Variants in PPP6R1 observed in about 807,000 individuals in gnomAD.
PPP6R1 encodes serine/threonine-protein phosphatase 6 regulatory subunit 1.
PPP6R1 carries 39 observed loss-of-function variants against 104.6 expected under a neutral mutation model. The observed-to-expected ratio is 0.37, with a 90% CI of 0.29 to 0.49. The LOEUF (loss-of-function observed/expected upper bound fraction) is 0.49, where lower values mean the gene tolerates loss of function less well. PPP6R1 is among the 20% of genes least tolerant of loss of function. The pLI, the probability that PPP6R1 is intolerant of heterozygous loss-of-function variation, is 0.98. For missense variants in PPP6R1, 1,181 were observed against 1,155.8 expected (o/e 1.02, Z -0.32); for synonymous variants, 549 against 479.0 (o/e 1.15, Z -1.91).
intron 5 of PPP6R1, among the ~76,000 whole-genome samples, chr19:55,243,404 C>CAAAAAAAAAAAAAAAAAAAAAAAAAAA (rs58375899): frequency 4.1e-5 from 2 of 49,134 alleles, no homozygotes; most frequent in African/African-American, 1.4e-4. Context: ...GACTCCATCT[C>CAAAAAAAAAAAAAAAAAAAAAAAAAAA]AAAAAAAAAA....
intron 5 of PPP6R1, among the ~76,000 whole-genome samples, chr19:55,243,830 T>C (rs1349685922): frequency 6.6e-6 from 1 of 152,178 alleles, no homozygotes; most frequent in East Asian, 1.9e-4. Flanking sequence ...TTTTTCAATT[T>C]TTTGTAGCGA....
chr19:55,245,770 G>T lies in PPP6R1; in HGVS notation c.228-92C>A. On this transcript the variant is annotated intron_variant, in intron 2 of 23. Transcript: ENST00000412770. This position sits in a 1 kb window ranked among gnomAD's most constrained non-coding sequence, Gnocchi z 6.4. ...CACCCTCTTCTCTGCACCGGGCACT[G>T]GGTTTCTGGGAACTGCAGAGACCCC... is the stretch of plus-strand genomic sequence containing the variant. The T allele has an allele frequency of 9.2e-7, 1 of 1,090,736 alleles. No homozygotes were observed. Among genetic ancestry groups the T allele is most frequent in the Non-Finnish European group, 1.3e-6 (1 of 759,738 alleles). 67.6% of individuals were successfully genotyped at this position (1,090,736 alleles called of 1,614,324 possible).
chr19:55,232,011 A>G, intron 18 of PPP6R1, 29 bp from the exon 19 acceptor site: 3 of 1,608,580 alleles, frequency 1.9e-6, no homozygotes, highest in Non-Finnish European at 2.5e-6. Flanking sequence ...AGCGGGATGG[A>G]GGGTGAACTC....
intron 5 of PPP6R1, among the ~76,000 whole-genome samples, chr19:55,244,537 C>T (rs1188653622): frequency 1.3e-5 from 2 of 152,134 alleles, no homozygotes; most frequent in Admixed American, 6.5e-5. Context: ...TGGGCAGGGA[C>T]GGATGTGGGG....
At chr19:55,251,063 TCTTA>T (rs1471127734) in intron 1 of PPP6R1, among the ~76,000 whole-genome samples, 1 of 152,178 alleles carries the variant, frequency 6.6e-6, no homozygotes, top group African/African-American at 2.4e-5. Context: ...TCCTCAGATC[TCTTA>T]CTAAGCATTC....
rs1251637805 is a variant in PPP6R1 at position 55,239,518 on chromosome 19, G to A, written c.1654-16C>T. ...CCATGAAGGCCTGTGGGGGTGCGGA[G>A]GTTAGGGCTGGAGGGAGTTGGGCAG... On this transcript the variant is annotated splice_polypyrimidine_tract_variant and intron_variant, in intron 14 of 23. Coordinates refer to ENST00000412770, the MANE Select transcript of PPP6R1 (RefSeq NM_014931.4). 2.5e-6 allele frequency: 4 copies of A among 1,613,400 alleles called. No individual in the cohort carries two copies. The East Asian group carries it at 6.7e-5, about 27-fold the overall frequency.
intron 14 of PPP6R1, 35 bp from the exon 15 acceptor site, chr19:55,239,537 T>C (rs2087430692): frequency 1.9e-6 from 3 of 1,610,878 alleles, no homozygotes; most frequent in South Asian, 1.1e-5. Context: ...TGGAGGGAGT[T>C]GGGCAGGACC....
intron 15 of PPP6R1, among the ~76,000 whole-genome samples, chr19:55,238,302 C>T (rs960301972): frequency 6.6e-6 from 1 of 152,240 alleles, no homozygotes; most frequent in African/African-American, 2.4e-5. Flanking sequence ...AAGCAGCCAA[C>T]ACAGGATATC....
At position 55,230,906 on chromosome 19, in the gene PPP6R1, G is replaced by A. The variant is rs376478307; in HGVS notation, c.2460-22C>T. The A allele has an allele frequency of 1.2e-3, 1,818 of 1,563,858 alleles. 3 individuals are homozygous for A. Among genetic ancestry groups the A allele is most frequent in the Non-Finnish European group, 1.5e-3 (1,712 of 1,145,230 alleles). The stretch of plus-strand genomic sequence containing the variant: ...TGCACTGTGGGTGAGAGGCAGGTGC[G>A]GCTGTCAGCGTGGCCCCCACCGTCA... On this transcript the variant is annotated intron_variant, in intron 21 of 23. Coordinates refer to ENST00000412770, the MANE Select transcript of PPP6R1 (RefSeq NM_014931.4).
intron 2 of PPP6R1, among the ~76,000 whole-genome samples, chr19:55,246,475 C>G (rs1187065484): frequency 2.7e-5 from 4 of 150,722 alleles, no homozygotes; most frequent in African/African-American, 9.7e-5. Context: ...AGTAAAGTGT[C>G]TTCAATAGCA....
chr19:55,236,511 A>G (rs1488414016), intron 17 of PPP6R1, 132 bp downstream of exon 17: 3 of 1,038,508 alleles, frequency 2.9e-6, no homozygotes, highest in African/African-American at 3.2e-5. Flanking sequence ...AGTGCCCCCA[A>G]CTAATACACA....
At position 55,246,872 on chromosome 19, in the gene PPP6R1, C is replaced by T; in HGVS notation, c.227+5G>A. 6.3e-7 allele frequency: 1 copy of T among 1,581,444 alleles called. No individual in the cohort carries two copies. The highest frequency in any genetic ancestry group is 8.6e-7 in the Non-Finnish European group (1 of 1,162,014). ...GACGGGCTGGCCAGGAGCTGGGGAA[C>T]TCACTTGTAGCGCAGCCGCTCCTCA... On this transcript the variant is annotated splice_donor_5th_base_variant and intron_variant, in intron 2 of 23. Transcript: ENST00000412770.
At chr19:55,234,033 T>TCCAC (rs1351208885) in intron 17 of PPP6R1, among the ~76,000 whole-genome samples, 14 of 152,184 alleles carry the variant, frequency 9.2e-5, no homozygotes, top group African/African-American at 3.4e-4. Context: ...CACTGCAACC[T>TCCAC]CTGCCTGCCA....
At chr19:55,251,922 G>A (rs1169712549) in intron 1 of PPP6R1, among the ~76,000 whole-genome samples, 2 of 152,052 alleles carry the variant, frequency 1.3e-5, no homozygotes, top group South Asian at 2.1e-4. Context: ...GCAAAGCACC[G>A]AGACGTGGCA....
chr19:55,229,067 A>T, downstream of PPP6R1: 1 of 276,878 alleles, frequency 3.6e-6, no homozygotes, highest in Non-Finnish European at 7.1e-6. Flanking sequence ...GCAGAATTCC[A>T]ACAGCCACCC....
At chr19:55,254,952 C>T (rs868227071) in intron 1 of PPP6R1, among the ~76,000 whole-genome samples, 6 of 152,200 alleles carry the variant, frequency 3.9e-5, no homozygotes, top group African/African-American at 7.2e-5. Flanking sequence ...CTGCAGAATC[C>T]GGCATCACCC....
In PPP6R1 at chr19:55,231,474, C is replaced by G; in HGVS notation, c.2395G>C (p.Val799Leu). The G allele has an allele frequency of 2.5e-6, 4 of 1,608,630 alleles. No homozygotes were observed. Among genetic ancestry groups the G allele is most frequent in the Non-Finnish European group, 3.4e-6 (4 of 1,177,912 alleles). The change falls in exon 21 of 24, where the codon GTT (valine) becomes CTT (leucine). Residue 799 changes from valine (V) to leucine (L), a missense_variant. Coordinates refer to ENST00000412770, the MANE Select transcript of PPP6R1 (RefSeq NM_014931.4). ...TEPSAPCQAL[V>L]SIGDLQATFH... ...GTGGCCTGAAGGTCCCCGATGCTAA[C>G]CAAGGCCTGGCAAGGGGCTGTGGGG...
chr19:55,258,003 G>C (rs2087607043), intron 1 of PPP6R1, among the ~76,000 whole-genome samples: 2 of 152,254 alleles, frequency 1.3e-5, no homozygotes, highest in African/African-American at 4.8e-5. Context: ...GATCTAAGGA[G>C]GCTGCGCCAC....
intron 12 of PPP6R1, 33 bp downstream of exon 12, chr19:55,239,966 A>G: frequency 6.2e-7 from 1 of 1,611,044 alleles, no homozygotes; most frequent in Non-Finnish European, 8.5e-7. Flanking sequence ...CAAGCCCCCC[A>G]CCTAGCCCTC....
Sources: allele counts gnomAD v4.1 joint callset (sites outside exome capture counted in the v4.1 genomes callset), GRCh38; gene constraint gnomAD v4.1.1; non-coding constraint Gnocchi (gnomAD v3.1); transcripts MANE v1.5; gene names NCBI Gene and HGNC (gene_info 2026-07-23, HGNC 2026-07-21).